Variants in CFAP53 observed in about 807,000 individuals in gnomAD.
CFAP53 encodes the protein cilia- and flagella-associated protein 53.
CFAP53 carries 62 observed loss-of-function variants against 59.7 expected under a neutral mutation model. The ratio of observed to expected loss-of-function variants is 1.04; its 90% CI spans 0.85 to 1.28. The LOEUF is 1.28. Among genes scored for constraint, CFAP53 ranks in the 50% most tolerant of loss-of-function variants. The pLI is 0.00. For missense variants in CFAP53, 629 were observed against 615.6 expected, an observed-to-expected ratio of 1.02 and a Z score of -0.23; for synonymous variants, 218 against 205.7, an observed-to-expected ratio of 1.06 and a Z score of -0.51.
In CFAP53 at chr18:50,266,342, C is replaced by T. The variant is rs2033976429; in HGVS notation, c.63G>A (p.Val21=). The T allele has an allele frequency of 6.2e-7, 1 of 1,614,110 alleles. No homozygotes were observed. The highest frequency in any genetic ancestry group is 1.3e-5 in the African/African-American group (1 of 74,956). ...REVKGPTPKV[V]IVRSKPPKGQ... ...AGACATATCCTGTGCTTACCACGAT[C>T]ACCACTTTGGGGGTGGGGCCCTTAA... is the stretch of plus-strand genomic sequence containing the variant. Residue 21 remains valine, a synonymous_variant, in exon 1 of 8, where the codon GTG becomes GTA. Coordinates refer to ENST00000398545, the MANE Select transcript of CFAP53 (RefSeq NM_145020.5).
chr18:50,239,125 T>G (rs1039404102), intron 6 of CFAP53, among the ~76,000 whole-genome samples: 2 of 150,984 alleles, frequency 1.3e-5, no homozygotes, highest in South Asian at 4.2e-4. Context: ...CAATGCCTCA[T>G]GCCGGTAATC....
intron 7 of CFAP53, among the ~76,000 whole-genome samples, chr18:50,236,576 C>A (rs1329592001): frequency 2.0e-5 from 3 of 152,190 alleles, no homozygotes; most frequent in Admixed American, 6.5e-5. Context: ...CCTCTCAAAA[C>A]AAGCCACCAT....
chr18:50,250,689 T>C, intron 5 of CFAP53, 69 bp downstream of exon 5: 1 of 1,253,118 alleles, frequency 8.0e-7, no homozygotes, highest in Non-Finnish European at 1.2e-6. Context: ...TGAAGCCATC[T>C]TCCACAAGAC....
rs574471324 is a variant in CFAP53, at chr18:50,251,684, T to C, written c.574A>G (p.Arg192Gly). 1.2e-6 allele frequency: 2 copies of C among 1,614,232 alleles called. No individual in the cohort carries two copies. The highest frequency in any genetic ancestry group is 2.2e-5 in the South Asian group (2 of 91,078). The change falls in exon 4 of 8, where the codon AGG (arginine) becomes GGG (glycine). Residue 192 changes from arginine (R) to glycine (G), a missense_variant. Transcript: ENST00000398545. ...ATCTGCTCTTCCACCAGCTTTTGCCTGCTCAGCTCCTCATTAAATGCAATC... is the reference window on the plus strand; with the variant it reads ...ATCTGCTCTTCCACCAGCTTTTGCCCGCTCAGCTCCTCATTAAATGCAATC... The part of the protein sequence containing the change: ...AQIAFNEELS[R>G]QKLVEEQMFS...
At chr18:50,266,299 AAAGCT>A in intron 1 of CFAP53, 32 bp downstream of exon 1, 3 of 1,606,380 alleles carry the variant, frequency 1.9e-6, no homozygotes, top group Non-Finnish European at 2.6e-6. Flanking sequence ...AGAGATGGAG[AAAGCT>A]GTAGGGTCTG....
intron 3 of CFAP53, among the ~76,000 whole-genome samples, chr18:50,253,606 C>A (rs1390525496): frequency 1.3e-5 from 2 of 152,152 alleles, no homozygotes; most frequent in Non-Finnish European, 2.9e-5. Flanking sequence ...CTCTTGTAAT[C>A]TTCATAATAA....
intron 7 of CFAP53, 46 bp from the exon 8 acceptor site, chr18:50,227,655 T>C (rs772393047): frequency 2.2e-6 from 3 of 1,361,128 alleles, no homozygotes; most frequent in Admixed American, 1.7e-5. Context: ...AAAGTAAGCA[T>C]TTAGATTTAT....
At chr18:50,257,856 C>A (rs551419425) in intron 3 of CFAP53, among the ~76,000 whole-genome samples, 1 of 152,078 alleles carries the variant, frequency 6.6e-6, no homozygotes, top group Non-Finnish European at 1.5e-5. Flanking sequence ...ATAGGGAAAC[C>A]CCGTCTCTAT....
chr18:50,264,970 G>A (rs866178281), intron 1 of CFAP53, among the ~76,000 whole-genome samples: 1 of 152,186 alleles, frequency 6.6e-6, no homozygotes, highest in Non-Finnish European at 1.5e-5. Context: ...ACAGTACTTG[G>A]ACCTAAAGAA....
chr18:50,242,969 C>T lies in CFAP53; in HGVS notation c.1144G>A (p.Glu382Lys), dbSNP rs200321140. ...LAEKDKELRL[E>K]KEARRQLVDE... ...ACAAGCTGTCTCCTTGCCTCCTTTTCAAGTCTCAGCTCCTTGTCCTTCTCA... is the reference window on the plus strand; with the variant it reads ...ACAAGCTGTCTCCTTGCCTCCTTTTTAAGTCTCAGCTCCTTGTCCTTCTCA... Residue 382 changes from glutamate to lysine, a missense_variant, in exon 6 of 8, where the codon GAA (glutamate) becomes AAA (lysine). By Grantham distance (56) the Glu-to-Lys change is moderately conservative. Transcript: ENST00000398545. 6.2e-7 allele frequency: 1 copy of T among 1,614,080 alleles called. No homozygotes were observed. The highest frequency in any genetic ancestry group is 1.7e-5 in the Admixed American group (1 of 60,022).
intron 7 of CFAP53, among the ~76,000 whole-genome samples, chr18:50,233,197 G>C (rs536223823): frequency 6.6e-6 from 1 of 151,876 alleles, no homozygotes; most frequent in Non-Finnish European, 1.5e-5. Flanking sequence ...TGCAAACATC[G>C]AAAACTCATT....
chr18:50,245,409 A>C (rs1009428564), intron 5 of CFAP53, among the ~76,000 whole-genome samples: 27 of 140,944 alleles, frequency 1.9e-4, no homozygotes, highest in South Asian at 4.6e-4. Context: ...AAAAAAAAAA[A>C]CTAATAAACG....
At chr18:50,245,924 C>G (rs765235137) in intron 5 of CFAP53, among the ~76,000 whole-genome samples, 8 of 152,096 alleles carry the variant, frequency 5.3e-5, no homozygotes, top group Non-Finnish European at 1.2e-4. Context: ...GAGTGTCACT[C>G]TTGTTGCTCG....
At chr18:50,252,409 CTTTTT>C (rs376273969) in intron 3 of CFAP53, among the ~76,000 whole-genome samples, 6 of 148,402 alleles carry the variant, frequency 4.0e-5, no homozygotes, top group Admixed American at 2.7e-4. Context: ...CAGCTGCTCA[CTTTTT>C]TTTTTAAGAG....
chr18:50,233,949 T>C (rs919705448), intron 7 of CFAP53, among the ~76,000 whole-genome samples: 3 of 152,274 alleles, frequency 2.0e-5, no homozygotes, highest in African/African-American at 7.2e-5. Context: ...ACGGAGCAGA[T>C]TGGGAAGGCA....
chr18:50,262,446 C>T (rs573039712), intron 1 of CFAP53, among the ~76,000 whole-genome samples: 122 of 152,264 alleles, frequency 8.0e-4, no homozygotes, highest in African/African-American at 2.7e-3. Flanking sequence ...TTCTAATGTG[C>T]CATTTGAAAA....
chr18:50,251,936 G>C (rs1262552346), intron 3 of CFAP53, 152 bp from the exon 4 acceptor site: 1 of 707,144 alleles, frequency 1.4e-6, no homozygotes, highest in Admixed American at 2.7e-5. Flanking sequence ...GGAGCAGCAG[G>C]GAGGGCAAGC....
At chr18:50,236,120 G>A (rs1340865495) in intron 7 of CFAP53, among the ~76,000 whole-genome samples, 1 of 152,090 alleles carries the variant, frequency 6.6e-6, no homozygotes, top group Non-Finnish European at 1.5e-5. Flanking sequence ...CAAATGTTTC[G>A]ATTTATCATC....
chr18:50,248,783 TAA>T (rs748223121), intron 5 of CFAP53, among the ~76,000 whole-genome samples: 28 of 58,160 alleles, frequency 4.8e-4, no homozygotes, highest in Admixed American at 3.9e-4. Flanking sequence ...AGACTCCGCC[TAA>T]AAAAAAAAAA....
Sources: allele counts gnomAD v4.1 joint callset (sites outside exome capture counted in the v4.1 genomes callset), GRCh38; gene constraint gnomAD v4.1.1; transcripts MANE v1.5; gene names NCBI Gene and HGNC (gene_info 2026-07-23, HGNC 2026-07-21).